DLG2: variants seen among roughly 807,000 people sequenced by gnomAD.
DLG2 encodes disks large homolog 2.
In DLG2, 45 loss-of-function variants were observed where a neutral mutation model predicts 132.5. The ratio of observed to expected loss-of-function variants is 0.34; its 90% CI spans 0.27 to 0.44. The LOEUF (loss-of-function observed/expected upper bound fraction) is 0.44. Ranked by LOEUF, DLG2 falls within the 20% of genes least tolerant of loss-of-function variation. The probability of loss-of-function intolerance (pLI) is 1.00; values close to 1 mark genes in which losing one functional copy is unlikely to be tolerated. For missense variants in DLG2, 1,045 were observed against 1,196.9 expected, an observed-to-expected ratio of 0.87 and a Z score of 1.87; for synonymous variants, 424 against 419.6, an observed-to-expected ratio of 1.01 and a Z score of -0.13.
chr11:83,702,427 A>G (rs2083126877), intron 18 of DLG2, among the ~76,000 whole-genome samples: 1 of 152,230 alleles, frequency 6.6e-6, no homozygotes, highest in African/African-American at 2.4e-5. Context: ...CAAATGTAGT[A>G]ATTAACGCTA....
chr11:85,489,842 G>T (rs934178221), intron 3 of DLG2, among the ~76,000 whole-genome samples: 1 of 150,582 alleles, frequency 6.6e-6, no homozygotes, highest in Non-Finnish European at 1.5e-5. Flanking sequence ...AAATTATGAA[G>T]GAATTTTTTT....
At chr11:85,412,725 TCACACACACACACACACACACA>T (rs542505541) in intron 3 of DLG2, among the ~76,000 whole-genome samples, 4 of 92,250 alleles carry the variant, frequency 4.3e-5, no homozygotes, top group African/African-American at 1.6e-4. Context: ...GAGCAGTATT[TCACACACACACACACACACACA>T]CACACACACA....
chr11:84,039,488 C>T (rs866478606), intron 11 of DLG2, among the ~76,000 whole-genome samples: 7 of 105,990 alleles, frequency 6.6e-5, no homozygotes, highest in South Asian at 3.6e-4. Flanking sequence ...TTTGTTCTTG[C>T]GATAGTTTAC....
At chr11:85,122,940 G>GTATATATATTATA (rs1376710814) in intron 5 of DLG2, among the ~76,000 whole-genome samples, 2 of 47,684 alleles carry the variant, frequency 4.2e-5, no homozygotes, top group African/African-American at 1.7e-4. Flanking sequence ...ATGTGTGTCT[G>GTATATATATTATA]TATATATATT....
intron 6 of DLG2, among the ~76,000 whole-genome samples, chr11:84,775,458 A>C (rs1182229091): frequency 6.6e-6 from 1 of 152,118 alleles, no homozygotes; most frequent in Non-Finnish European, 1.5e-5. Flanking sequence ...CATCCTACCA[A>C]AAAGACACAT....
chr11:85,494,162 T>A (rs149163925), intron 3 of DLG2, among the ~76,000 whole-genome samples: 1 of 152,160 alleles, frequency 6.6e-6, no homozygotes, highest in Non-Finnish European at 1.5e-5. Context: ...TACTGTTGCA[T>A]TGGGGATTAA....
chr11:84,853,141 A>G (rs1468388862), intron 6 of DLG2, among the ~76,000 whole-genome samples: 1 of 151,982 alleles, frequency 6.6e-6, no homozygotes, highest in Non-Finnish European at 1.5e-5. Flanking sequence ...TTTGAACTAC[A>G]CTAAAATTGG....
At chr11:84,542,243 T>C (rs1385598654) in intron 6 of DLG2, among the ~76,000 whole-genome samples, 1 of 152,168 alleles carries the variant, frequency 6.6e-6, no homozygotes, top group Non-Finnish European at 1.5e-5. Flanking sequence ...TCATACCTAA[T>C]AGTGAATACT....
intron 9 of DLG2, among the ~76,000 whole-genome samples, chr11:84,113,550 A>G (rs2093471733): frequency 6.6e-6 from 1 of 152,214 alleles, no homozygotes; most frequent in Non-Finnish European, 1.5e-5. Context: ...TAGAATTTGG[A>G]AACTTTGTAT....
intron 6 of DLG2, among the ~76,000 whole-genome samples, chr11:84,704,427 C>T (rs952379613): frequency 6.6e-6 from 1 of 151,414 alleles, no homozygotes; most frequent in Non-Finnish European, 1.5e-5. Flanking sequence ...AACTATGGGA[C>T]GTTATTTATT....
intron 6 of DLG2, among the ~76,000 whole-genome samples, chr11:84,658,453 C>T (rs925619709): frequency 2.0e-5 from 3 of 152,160 alleles, no homozygotes; most frequent in Non-Finnish European, 4.4e-5. Context: ...GATTTATGCC[C>T]TTATAAAAGA....
At chr11:83,629,357 T>G (rs1188278458) in intron 19 of DLG2, among the ~76,000 whole-genome samples, 1 of 152,160 alleles carries the variant, frequency 6.6e-6, no homozygotes, top group African/African-American at 2.4e-5. Context: ...CAGAGGTTAT[T>G]TGCTTGAACT....
At chr11:83,797,780 A>C (rs1024044448) in intron 17 of DLG2, among the ~76,000 whole-genome samples, 43 of 152,198 alleles carry the variant, frequency 2.8e-4, no homozygotes, top group African/African-American at 9.2e-4. Context: ...GGCCTCCCAA[A>C]GTGCTGGGAA....
intron 2 of DLG2, among the ~76,000 whole-genome samples, chr11:85,603,154 C>T (rs143719271): frequency 5.8e-4 from 89 of 152,264 alleles, no homozygotes; most frequent in African/African-American, 2.1e-3. Flanking sequence ...TTTGCATAAA[C>T]TTTAATTTTT....
chr11:84,102,134 T>C (rs75925390), intron 9 of DLG2, among the ~76,000 whole-genome samples: 5,299 of 152,270 alleles, frequency 0.035, 141 homozygotes, highest in Non-Finnish European at 0.055. Context: ...CTCAAATTAA[T>C]ACTAAATTAT....
chr11:83,687,027 T>G (rs1472575487), intron 18 of DLG2, among the ~76,000 whole-genome samples: 1 of 152,156 alleles, frequency 6.6e-6, no homozygotes, highest in Non-Finnish European at 1.5e-5. Flanking sequence ...AGCACAGAGG[T>G]GCACACAGGG....
rs923711397 is a variant in DLG2, at chr11:84,924,123, C to G, written c.357+187538G>C. ...AGGAAAAAAAAAAATTAAAAACATC[C>G]GTCAGATCCTTCTATCTGTTGTCAT... On this transcript the variant is annotated intron_variant, in intron 6 of 27. Coordinates refer to ENST00000376104, the MANE Select transcript of DLG2 (RefSeq NM_001142699.3). 2.9e-4 allele frequency among the ~76,000 whole-genome samples: 44 copies of G among 152,012 alleles called. 1 individual carries two copies. Among genetic ancestry groups the G allele is most frequent in the Admixed American group, 2.9e-3 (44 of 15,248 alleles).
intron 3 of DLG2, among the ~76,000 whole-genome samples, chr11:85,598,259 A>T (rs1246599826): frequency 6.6e-6 from 1 of 152,058 alleles, no homozygotes; most frequent in East Asian, 1.9e-4. Context: ...TTTGATTCTG[A>T]GTAGAATGTG....
intron 6 of DLG2, among the ~76,000 whole-genome samples, chr11:84,996,566 T>C (rs1043836096): frequency 5.3e-5 from 8 of 152,200 alleles, no homozygotes; most frequent in Non-Finnish European, 1.5e-5. Context: ...ATTTTTTTGC[T>C]AGGCCAAGGT....
Sources: gnomAD v4.1 joint callset for allele counts (sites outside exome capture counted in the v4.1 genomes callset) on GRCh38, gnomAD v4.1.1 for gene constraint, MANE v1.5 for transcripts, NCBI Gene and HGNC (gene_info 2026-07-23, HGNC 2026-07-21) for gene names.